The following ZC3H12B variants were observed in gnomAD, a reference collection of about 807,000 sequenced individuals.
ZC3H12B encodes probable ribonuclease ZC3H12B.
A neutral mutation model predicts 43.9 loss-of-function variants in ZC3H12B; 7 were observed. The observed-to-expected ratio is 0.16, with a 90% CI of 0.09 to 0.30. The LOEUF is 0.30. ZC3H12B is among the 10% of genes least tolerant of loss of function. The probability of loss-of-function intolerance (pLI) is 1.00; values close to 1 mark genes in which losing one functional copy is unlikely to be tolerated. For missense variants in ZC3H12B, 475 were observed against 670.2 expected, an observed-to-expected ratio of 0.71 and a Z score of 3.22; for synonymous variants, 222 against 241.7, an observed-to-expected ratio of 0.92 and a Z score of 0.76.
At chrX:65,314,854 A>G in the ZC3H12B span, among the ~76,000 whole-genome samples, 1 of 111,047 alleles carries the variant, frequency 9.0e-6, no homozygotes, top group Non-Finnish European at 1.9e-5. Context: ...ATCAACTTTA[A>G]TATAAAAGAG....
the ZC3H12B span, among the ~76,000 whole-genome samples, chrX:65,220,636 C>G: frequency 1.5e-4 from 17 of 111,960 alleles, no homozygotes; most frequent in African/African-American, 5.5e-4. Flanking sequence ...AGGACTAGTT[C>G]AGCAGGAAAC....
chrX:65,155,266 T>A, the ZC3H12B span, among the ~76,000 whole-genome samples: 1 of 110,730 alleles, frequency 9.0e-6, no homozygotes, highest in Non-Finnish European at 1.9e-5. Context: ...CCTGCTACTT[T>A]TTTTTTTTAG....
At chrX:65,175,554 G>C in the ZC3H12B span, among the ~76,000 whole-genome samples, 11 of 111,794 alleles carry the variant, frequency 9.8e-5, no homozygotes, top group African/African-American at 3.6e-4. Flanking sequence ...CATGTGATGG[G>C]TTACAGTCAA....
At chrX:65,128,270 G>T in the ZC3H12B span, among the ~76,000 whole-genome samples, 1 of 111,648 alleles carries the variant, frequency 9.0e-6, no homozygotes, top group Non-Finnish European at 1.9e-5. Flanking sequence ...TTATATTTTT[G>T]TTTTTCTCAG....
At chrX:65,250,679 G>T in the ZC3H12B span, among the ~76,000 whole-genome samples, 1 of 111,997 alleles carries the variant, frequency 8.9e-6, no homozygotes, top group African/African-American at 3.2e-5. Context: ...GCATTTCTCT[G>T]ATGGCCAGTG....
At chrX:65,312,546 G>A in the ZC3H12B span, among the ~76,000 whole-genome samples, 2 of 111,387 alleles carry the variant, frequency 1.8e-5, no homozygotes, top group Non-Finnish European at 3.8e-5. Flanking sequence ...TCTTGTGAAA[G>A]GTTGGGAAAT....
chrX:65,451,871 C>A (rs187857842), intron 3 of ZC3H12B, among the ~76,000 whole-genome samples: 40 of 111,832 alleles, frequency 3.6e-4, no homozygotes, highest in African/African-American at 1.2e-3. Context: ...TCTGGTGTTT[C>A]ACTGGAGTAC....
At chrX:65,193,483 G>A in the ZC3H12B span, among the ~76,000 whole-genome samples, 2 of 111,327 alleles carry the variant, frequency 1.8e-5, no homozygotes, top group African/African-American at 6.5e-5. Flanking sequence ...TGGTTGTAAT[G>A]TTTCCTTTTT....
At chrX:65,301,049 G>T in the ZC3H12B span, among the ~76,000 whole-genome samples, 1 of 109,118 alleles carries the variant, frequency 9.2e-6, no homozygotes, top group Non-Finnish European at 1.9e-5. Context: ...CTCAAAAGAA[G>T]ATATACAAAT....
At chrX:65,330,146 G>T in the ZC3H12B span, among the ~76,000 whole-genome samples, 1 of 111,418 alleles carries the variant, frequency 9.0e-6, no homozygotes, top group East Asian at 2.8e-4. Flanking sequence ...GGGCAGTATG[G>T]CCATTTTCAT....
the ZC3H12B span, among the ~76,000 whole-genome samples, chrX:65,203,788 G>C: frequency 9.0e-6 from 1 of 111,725 alleles, no homozygotes; most frequent in East Asian, 2.8e-4. Flanking sequence ...ACTAAGCCCA[G>C]CACAGCACCA....
At chrX:65,450,293 G>A (rs2067455694) in intron 3 of ZC3H12B, among the ~76,000 whole-genome samples, 1 of 88,033 alleles carries the variant, frequency 1.1e-5, no homozygotes, top group Non-Finnish European at 2.1e-5. Context: ...GACAGAGCAA[G>A]ACTTCATCTC....
At chrX:65,312,873 G>GT in the ZC3H12B span, among the ~76,000 whole-genome samples, 7 of 111,101 alleles carry the variant, frequency 6.3e-5, no homozygotes, top group African/African-American at 1.3e-4. Flanking sequence ...TTGTTTGTTT[G>GT]TTTTTTGTTT....
intron 3 of ZC3H12B, among the ~76,000 whole-genome samples, chrX:65,412,438 A>G (rs1232246119): frequency 9.0e-6 from 1 of 111,663 alleles, no homozygotes; most frequent in African/African-American, 3.3e-5. Context: ...TCATGTGTAC[A>G]TGTATTTGTT....
intron 3 of ZC3H12B, among the ~76,000 whole-genome samples, chrX:65,448,524 A>C (rs2067412324): frequency 8.9e-6 from 1 of 111,912 alleles, no homozygotes; most frequent in Non-Finnish European, 1.9e-5. Flanking sequence ...GTGTGGATAA[A>C]GAAGATGTGG....
chrX:65,500,521 G>A (rs1029199695), intron 4 of ZC3H12B, among the ~76,000 whole-genome samples: 4 of 111,565 alleles, frequency 3.6e-5, no homozygotes, highest in African/African-American at 1.3e-4. Context: ...TCCGCTTCCC[G>A]GGTTTAAGCG....
the ZC3H12B span, among the ~76,000 whole-genome samples, chrX:65,227,892 T>C: frequency 9.0e-6 from 1 of 111,469 alleles, no homozygotes; most frequent in Admixed American, 9.5e-5. Flanking sequence ...CAATAATCAA[T>C]AGCTTACCAA....
chrX:65,207,273 C>CAT, the ZC3H12B span, among the ~76,000 whole-genome samples: 5 of 107,993 alleles, frequency 4.6e-5, no homozygotes, highest in African/African-American at 1.7e-4. Flanking sequence ...CACACACACA[C>CAT]ATACACACAC....
At chrX:65,061,580 G>C in the ZC3H12B span, among the ~76,000 whole-genome samples, 3 of 111,897 alleles carry the variant, frequency 2.7e-5, no homozygotes, top group South Asian at 1.1e-3. Context: ...TGGGCATTTG[G>C]GTTGATTCCA....
Sources: gnomAD v4.1 joint callset for allele counts (sites outside exome capture counted in the v4.1 genomes callset) on GRCh38, gnomAD v4.1.1 for gene constraint, MANE v1.5 for transcripts, NCBI Gene and HGNC (gene_info 2026-07-23, HGNC 2026-07-21) for gene names.